SPATA6L: variants seen among roughly 807,000 people sequenced by gnomAD.
SPATA6L encodes the protein spermatogenesis associated 6-like protein.
SPATA6L carries 68 observed loss-of-function variants against 49.2 expected under a neutral mutation model. That is an observed-to-expected ratio of 1.38 (90% CI 1.14 to 1.69). SPATA6L has a LOEUF of 1.69. SPATA6L is among the 40% of genes most tolerant of loss of function. SPATA6L has a pLI of 0.00. For missense variants in SPATA6L, 668 were observed against 464.3 expected, an observed-to-expected ratio of 1.44 and a Z score of -4.03; for synonymous variants, 198 against 165.7, an observed-to-expected ratio of 1.19 and a Z score of -1.50.
chr9:4,612,072 T>C (rs1300621262), intron 9 of SPATA6L, among the ~76,000 whole-genome samples: 1 of 151,958 alleles, frequency 6.6e-6, no homozygotes. Context: ...ACTCCTGGGC[T>C]CAAGGGATCC....
intron 9 of SPATA6L, among the ~76,000 whole-genome samples, chr9:4,615,386 G>T (rs368966118): frequency 2.0e-5 from 3 of 152,008 alleles, no homozygotes; most frequent in Non-Finnish European, 2.9e-5. Flanking sequence ...CCTGCTTTCC[G>T]TCTTAACCAC....
chr9:4,665,271 A>G (rs932320603), intron 1 of SPATA6L: 1 of 162,190 alleles, frequency 6.2e-6, no homozygotes, highest in African/African-American at 2.4e-5. Flanking sequence ...AAGTGAGATG[A>G]AAACTTGCTT....
chr9:4,653,050 C>A (rs985075648), intron 3 of SPATA6L, among the ~76,000 whole-genome samples: 1 of 152,072 alleles, frequency 6.6e-6, no homozygotes, highest in African/African-American at 2.4e-5. Flanking sequence ...TCAAGTGAAC[C>A]AAAATAGTAG....
chr9:4,634,885 A>T (rs1167898340), intron 4 of SPATA6L, among the ~76,000 whole-genome samples: 5 of 152,206 alleles, frequency 3.3e-5, no homozygotes, highest in Admixed American at 3.3e-4. Flanking sequence ...GCCTTGGCTA[A>T]CTTGAGAATT....
At chr9:4,606,149 C>T (rs572355927) in intron 9 of SPATA6L, among the ~76,000 whole-genome samples, 14 of 152,032 alleles carry the variant, frequency 9.2e-5, no homozygotes, top group African/African-American at 1.7e-4. Flanking sequence ...GAGGGTCCTA[C>T]GCCCACGGAG....
intron 2 of SPATA6L, among the ~76,000 whole-genome samples, chr9:4,657,595 A>T (rs1838587174): frequency 6.6e-6 from 1 of 152,200 alleles, no homozygotes; most frequent in Admixed American, 6.5e-5. Flanking sequence ...AATTTATTTG[A>T]GCAAGGAGCG....
rs1263993748 is a variant in SPATA6L at position 4,659,710 on chromosome 9, C to G, written c.177+2189G>C. 2.0e-5 allele frequency among the ~76,000 whole-genome samples: 3 copies of G among 152,094 alleles called. No individual in the cohort carries two copies. In the South Asian group the frequency reaches 6.2e-4, roughly 31 times the overall value. On this transcript the variant is annotated intron_variant, in intron 2 of 11. Coordinates refer to ENST00000682582, the MANE Select transcript of SPATA6L (RefSeq NM_001353486.2). ...GTTCATATGGAACCAAAAAAGAGCCCGCATTGCCAAGACAATCCTAAGCCA... is the reference window on the plus strand; with the variant it reads ...GTTCATATGGAACCAAAAAAGAGCCGGCATTGCCAAGACAATCCTAAGCCA...
chr9:4,654,260 C>T (rs1004633939), intron 3 of SPATA6L, among the ~76,000 whole-genome samples: 1 of 152,210 alleles, frequency 6.6e-6, no homozygotes, highest in African/African-American at 2.4e-5. Flanking sequence ...AAAGGTTAAA[C>T]ATACAGTTAC....
chr9:4,642,140 T>A (rs1834168567), intron 3 of SPATA6L, among the ~76,000 whole-genome samples: 1 of 152,200 alleles, frequency 6.6e-6, no homozygotes, highest in Non-Finnish European at 1.5e-5. Flanking sequence ...TTTTACATAC[T>A]TTCGTGTTAA....
At chr9:4,595,393 G>T (rs1252546610), downstream of SPATA6L, among the ~76,000 whole-genome samples, 1 of 152,062 alleles carries the variant, frequency 6.6e-6, no homozygotes, top group Admixed American at 6.6e-5. Flanking sequence ...CAAAGGCTTT[G>T]TCAGAGTCTC....
At chr9:4,614,101 C>T (rs1800325589) in intron 9 of SPATA6L, among the ~76,000 whole-genome samples, 2 of 152,178 alleles carry the variant, frequency 1.3e-5, no homozygotes, top group Admixed American at 1.3e-4. Flanking sequence ...CAGATGGGAG[C>T]AGCGCTGTGC....
At chr9:4,619,508 T>C (rs965102723) in intron 7 of SPATA6L, among the ~76,000 whole-genome samples, 4 of 152,052 alleles carry the variant, frequency 2.6e-5, no homozygotes, top group African/African-American at 9.7e-5. Context: ...AAGTCTAAAG[T>C]GAATGAGTAA....
chr9:4,656,742 G>A (rs1430844287), intron 2 of SPATA6L, among the ~76,000 whole-genome samples: 1 of 152,158 alleles, frequency 6.6e-6, no homozygotes, highest in African/African-American at 2.4e-5. Flanking sequence ...ACTGTTTGTT[G>A]CTAAAAGCCC....
Position 4,625,351 on chromosome 9 carries a change from G to A in SPATA6L, c.645C>T (p.Ser215=). Residue 215 remains serine (S), a synonymous_variant, in exon 6 of 12, where the codon AGC becomes AGT. Transcript: ENST00000682582. ...LGNNFKISGG[S]KPPFVVRHVD... is the part of the protein sequence containing the mutation. Reference sequence around the variant, plus strand: ...CGTGTCTAACAACAAATGGAGGCTTGCTTCCTCCAGAGATTTTGAAATTAT... The same window carrying A: ...CGTGTCTAACAACAAATGGAGGCTTACTTCCTCCAGAGATTTTGAAATTAT... 6.2e-7 allele frequency: 1 copy of A among 1,613,584 alleles called. No individual in the cohort carries two copies. The highest frequency in any genetic ancestry group is 8.5e-7 in the Non-Finnish European group (1 of 1,179,746).
chr9:4,640,712 C>T (rs10815044), intron 3 of SPATA6L, among the ~76,000 whole-genome samples: 1 of 151,882 alleles, frequency 6.6e-6, no homozygotes, highest in Non-Finnish European at 1.5e-5. Flanking sequence ...AAAAACATAC[C>T]TTGAACAAAT....
chr9:4,657,116 T>C (rs1838456053), intron 2 of SPATA6L, among the ~76,000 whole-genome samples: 1 of 152,170 alleles, frequency 6.6e-6, no homozygotes, highest in South Asian at 2.1e-4. Context: ...ACCCTGTCTT[T>C]CCCCCTAAGC....
chr9:4,651,127 T>C (rs1836752050), intron 3 of SPATA6L, among the ~76,000 whole-genome samples: 1 of 152,098 alleles, frequency 6.6e-6, no homozygotes, highest in Non-Finnish European at 1.5e-5. Flanking sequence ...CTCAGCCTCC[T>C]GAGAAGCAAA....
chr9:4,661,848 A>T (rs1330458997), intron 2 of SPATA6L, 51 bp downstream of exon 2: 1 of 1,594,362 alleles, frequency 6.3e-7, no homozygotes, highest in Non-Finnish European at 8.6e-7. Context: ...CTTTATAAGA[A>T]CTCTCAGGTT....
chr9:4,597,890 C>T (rs1399529087), downstream of SPATA6L, among the ~76,000 whole-genome samples: 1 of 152,184 alleles, frequency 6.6e-6, no homozygotes, highest in Non-Finnish European at 1.5e-5. Context: ...TCCAGAGAGC[C>T]CAGCGGGCTC....
Sources: allele counts gnomAD v4.1 joint callset (sites outside exome capture counted in the v4.1 genomes callset), GRCh38; gene constraint gnomAD v4.1.1; transcripts MANE v1.5; gene names NCBI Gene and HGNC (gene_info 2026-07-23, HGNC 2026-07-21).